SLF1: variants seen among roughly 807,000 people sequenced by gnomAD.
The protein encoded by SLF1 is SMC5-SMC6 complex localization factor protein 1.
Under a neutral mutation model 123.0 loss-of-function variants are expected in SLF1, and 105 were observed. The ratio of observed to expected loss-of-function variants is 0.85; its 90% CI spans 0.73 to 1.00. SLF1 has a LOEUF of 1.00. Among genes scored for constraint, SLF1 ranks in the 50% least tolerant of loss-of-function variants. SLF1 has a pLI of 0.00. For missense variants in SLF1, 1,239 were observed against 1,223.0 expected (o/e 1.01, Z -0.20); for synonymous variants, 434 against 406.6 (o/e 1.07, Z -0.81).
intron 4 of SLF1, among the ~76,000 whole-genome samples, chr5:94,637,067 A>G (rs1198520379): frequency 6.6e-6 from 1 of 152,166 alleles, no homozygotes; most frequent in East Asian, 1.9e-4. Context: ...CTGTAGATCT[A>G]TAGCTCTCCA....
At chr5:94,641,751 G>A (rs1231666822) in intron 4 of SLF1, among the ~76,000 whole-genome samples, 1 of 152,180 alleles carries the variant, frequency 6.6e-6, no homozygotes, top group African/African-American at 2.4e-5. Flanking sequence ...TGCTAGACAA[G>A]CTTCACCCTT....
chr5:94,639,918 G>C (rs578209894), intron 4 of SLF1, among the ~76,000 whole-genome samples: 1 of 152,066 alleles, frequency 6.6e-6, no homozygotes, highest in African/African-American at 2.4e-5. Context: ...TGTTGTTCAC[G>C]GGTCAACTGT....
At chr5:94,688,088 G>A (rs1413759188) in intron 16 of SLF1, among the ~76,000 whole-genome samples, 3 of 149,042 alleles carry the variant, frequency 2.0e-5, no homozygotes, top group African/African-American at 4.9e-5. Flanking sequence ...CTTTAAGGAT[G>A]TTTTTATTCC....
intron 14 of SLF1, among the ~76,000 whole-genome samples, chr5:94,672,004 T>C (rs1170194724): frequency 6.6e-6 from 1 of 152,102 alleles, no homozygotes; most frequent in Non-Finnish European, 1.5e-5. Context: ...GAAGTTCTCT[T>C]TTTGGCTCCA....
chr5:94,634,300 AC>A (rs1479016353), intron 4 of SLF1, among the ~76,000 whole-genome samples: 1 of 152,112 alleles, frequency 6.6e-6, no homozygotes, highest in Non-Finnish European at 1.5e-5. Flanking sequence ...CCTTTGATCA[AC>A]ATTTCCTATT....
intron 20 of SLF1, among the ~76,000 whole-genome samples, chr5:94,692,865 G>C (rs963020672): frequency 6.6e-5 from 10 of 152,094 alleles, no homozygotes; most frequent in African/African-American, 2.4e-4. Context: ...GCTGATTTTT[G>C]ATCTTTGCTT....
At chr5:94,652,353 G>GT (rs1267447341) in intron 7 of SLF1, among the ~76,000 whole-genome samples, 1 of 152,004 alleles carries the variant, frequency 6.6e-6, no homozygotes, top group Non-Finnish European at 1.5e-5. Context: ...CTCTTACCTA[G>GT]AAGTAATCTT....
At chr5:94,692,322 T>G in intron 20 of SLF1, 66 bp downstream of exon 20, 1 of 1,432,046 alleles carries the variant, frequency 7.0e-7, no homozygotes, top group Non-Finnish European at 9.5e-7. Flanking sequence ...CCTGCAGAGG[T>G]AGATAGCATT....
At chr5:94,628,531 A>G (rs771800153) in intron 1 of SLF1, among the ~76,000 whole-genome samples, 16 of 152,238 alleles carry the variant, frequency 1.1e-4, no homozygotes, top group East Asian at 1.9e-4. Flanking sequence ...TTATTCATCA[A>G]TGTGTTTTAG....
In SLF1 at chr5:94,651,699, CAGAA is replaced by C. The variant is rs1747745276; in HGVS notation, c.742_745del (p.Glu248CysfsTer13). 1.3e-6 allele frequency: 2 copies of C among 1,514,956 alleles called. No individual in the cohort carries two copies. The highest frequency in any genetic ancestry group is 2.6e-5 in the East Asian group (1 of 38,836). 93.8% of individuals were successfully genotyped at this position (1,514,956 alleles called of 1,614,324 possible). A position where few individuals can be genotyped will look rare whatever the true frequency, so the allele number is the denominator to read the frequency against. On this transcript the variant is annotated splice_acceptor_variant and coding_sequence_variant, in exon 7 of 21. Transcript: ENST00000265140. LOFTEE classifies it high-confidence loss of function. Reference sequence around the variant, plus strand: ...TAACTAAATTATGTTTACAAACACGCAGAAAGAAATGCAAAATCATGAAGATGTT... The same window carrying C: ...TAACTAAATTATGTTTACAAACACGCAGAAATGCAAAATCATGAAGATGTT...
chr5:94,659,444 T>A (rs1403132852), intron 9 of SLF1, among the ~76,000 whole-genome samples: 1 of 152,370 alleles, frequency 6.6e-6, no homozygotes, highest in East Asian at 1.9e-4. Context: ...TATCTGTGTA[T>A]CTGGTGTAAC....
At chr5:94,681,925 CT>C (rs771693525) in intron 15 of SLF1, among the ~76,000 whole-genome samples, 7 of 152,106 alleles carry the variant, frequency 4.6e-5, no homozygotes, top group Non-Finnish European at 7.4e-5. Context: ...GAGTGAGACT[CT>C]TCTCAACAAC....
chr5:94,684,298 T>A (rs1752138282), intron 15 of SLF1, among the ~76,000 whole-genome samples: 1 of 152,230 alleles, frequency 6.6e-6, no homozygotes, highest in Non-Finnish European at 1.5e-5. Context: ...CTTTTGATTC[T>A]TATCCTTCAG....
chr5:94,648,119 T>A (rs936663372), intron 5 of SLF1, among the ~76,000 whole-genome samples: 5 of 152,190 alleles, frequency 3.3e-5, no homozygotes, highest in Non-Finnish European at 5.9e-5. Context: ...CCATGTAAAA[T>A]TTAATGCCAG....
intron 6 of SLF1, 30 bp downstream of exon 6, chr5:94,649,627 T>C: frequency 7.0e-7 from 1 of 1,423,424 alleles, no homozygotes; most frequent in South Asian, 1.6e-5. Flanking sequence ...AAACATACAT[T>C]TCTGATGTTT....
At chr5:94,654,269 A>C (rs1748108312) in intron 8 of SLF1, among the ~76,000 whole-genome samples, 1 of 152,168 alleles carries the variant, frequency 6.6e-6, no homozygotes, top group Non-Finnish European at 1.5e-5. Flanking sequence ...ATAAGTAATG[A>C]ATTTTGTTTT....
At chr5:94,653,522 G>C (rs1747994221) in intron 8 of SLF1, 101 bp downstream of exon 8, 1 of 1,042,934 alleles carries the variant, frequency 9.6e-7, no homozygotes, top group East Asian at 3.2e-5. Context: ...AAAAAATCTT[G>C]AGTCAATCTG....
intron 19 of SLF1, 21 bp from the exon 20 acceptor site, chr5:94,692,053 T>C (rs1024345168): frequency 6.2e-7 from 1 of 1,610,816 alleles, no homozygotes; most frequent in Non-Finnish European, 8.5e-7. Context: ...GTTTTAAAAC[T>C]TGCCTTGATT....
chr5:94,666,260 A>C (rs1749741827), intron 12 of SLF1, among the ~76,000 whole-genome samples: 2 of 152,248 alleles, frequency 1.3e-5, no homozygotes, highest in African/African-American at 4.8e-5. Context: ...GACTCACTAG[A>C]AAGCCAAATC....
Sources: allele counts gnomAD v4.1 joint callset (sites outside exome capture counted in the v4.1 genomes callset), GRCh38; gene constraint gnomAD v4.1.1; transcripts MANE v1.5; gene names NCBI Gene and HGNC (gene_info 2026-07-23, HGNC 2026-07-21).